The following NCAM2 variants were observed in gnomAD, a reference collection of about 807,000 sequenced individuals.
NCAM2 encodes neural cell adhesion molecule 2.
In NCAM2, 30 loss-of-function variants were observed where a neutral mutation model predicts 98.1. The ratio of observed to expected loss-of-function variants is 0.31; its 90% CI spans 0.23 to 0.41. NCAM2 has a LOEUF of 0.41. Among genes scored for constraint, NCAM2 ranks in the 10% least tolerant of loss-of-function variants. The pLI is 1.00. For synonymous variants in NCAM2, 368 were observed against 342.4 expected, an observed-to-expected ratio of 1.07 and a Z score of -0.83; for missense variants, 867 against 1,005.8, an observed-to-expected ratio of 0.86 and a Z score of 1.87.
intron 12 of NCAM2, among the ~76,000 whole-genome samples, chr21:21,434,838 G>A (rs956525094): frequency 2.6e-5 from 4 of 152,116 alleles, no homozygotes; most frequent in East Asian, 1.9e-4. Flanking sequence ...GAGCTTAATG[G>A]TGAAATGAAC....
At chr21:21,134,339 G>T (rs1226145489) in intron 1 of NCAM2, among the ~76,000 whole-genome samples, 2 of 151,974 alleles carry the variant, frequency 1.3e-5, no homozygotes, top group Admixed American at 6.6e-5. Context: ...CAAAGTGCTG[G>T]GTCTACAGGC....
At chr21:21,482,542 A>G (rs1985982407) in intron 15 of NCAM2, among the ~76,000 whole-genome samples, 1 of 152,024 alleles carries the variant, frequency 6.6e-6, no homozygotes, top group Non-Finnish European at 1.5e-5. Context: ...TTAAAAACCC[A>G]TTACTTATGT....
At chr21:21,313,171 C>T (rs1329578898) in intron 5 of NCAM2, among the ~76,000 whole-genome samples, 1 of 151,728 alleles carries the variant, frequency 6.6e-6, no homozygotes, top group Non-Finnish European at 1.5e-5. Flanking sequence ...TCCAAATAAA[C>T]TTCATTTAAA....
At chr21:21,186,053 CTG>C (rs1320055535) in intron 1 of NCAM2, among the ~76,000 whole-genome samples, 27 of 152,188 alleles carry the variant, frequency 1.8e-4, no homozygotes, top group Admixed American at 1.8e-3. Flanking sequence ...TATTTTCAGT[CTG>C]TGACAGTTCA....
At chr21:21,316,688 T>G (rs1049647549) in intron 5 of NCAM2, among the ~76,000 whole-genome samples, 4 of 151,598 alleles carry the variant, frequency 2.6e-5, no homozygotes, top group African/African-American at 9.7e-5. Flanking sequence ...GCATTACAGG[T>G]GCCTACCACC....
At chr21:21,517,170 A>G (rs1300091947) in intron 16 of NCAM2, among the ~76,000 whole-genome samples, 1 of 152,160 alleles carries the variant, frequency 6.6e-6, no homozygotes, top group Non-Finnish European at 1.5e-5. Flanking sequence ...CTTCAATTCC[A>G]CTTCAAATGC....
At chr21:21,253,173 C>T (rs1411914094) in intron 1 of NCAM2, among the ~76,000 whole-genome samples, 3 of 152,204 alleles carry the variant, frequency 2.0e-5, no homozygotes, top group Admixed American at 2.0e-4. Context: ...TGCTTATGCA[C>T]TTCTCTCACA....
At position 21,291,110 on chromosome 21, in the gene NCAM2, TA is replaced by T. The variant is rs367807966; in HGVS notation, c.482-993del. ...GGGTACCTTAAAATAATCACCTTTCTACCTGATCAAAAATCCCAAAGGGATA... is the reference window on the plus strand; with the variant it reads ...GGGTACCTTAAAATAATCACCTTTCTCCTGATCAAAAATCCCAAAGGGATA... On this transcript the variant is annotated intron_variant, in intron 4 of 17. Coordinates refer to ENST00000400546, the MANE Select transcript of NCAM2 (RefSeq NM_004540.5). Among the ~76,000 whole-genome samples, 444 of 152,014 alleles carry T rather than the reference TA, an allele frequency of 2.9e-3. 3 individuals carry two copies. The highest frequency in any genetic ancestry group is 0.01 in the African/African-American group (426 of 41,528).
chr21:21,300,553 A>G (rs2147639965), intron 5 of NCAM2, among the ~76,000 whole-genome samples: 1 of 150,078 alleles, frequency 6.7e-6, no homozygotes, highest in South Asian at 2.1e-4. Flanking sequence ...TTTACAATGT[A>G]CCTTTCACAC....
intron 1 of NCAM2, among the ~76,000 whole-genome samples, chr21:21,253,340 A>G (rs371152144): frequency 6.6e-6 from 1 of 152,280 alleles, no homozygotes; most frequent in African/African-American, 2.4e-5. Context: ...ACTACTTATT[A>G]TGGTCTGAAT....
intron 1 of NCAM2, among the ~76,000 whole-genome samples, chr21:21,246,798 A>G (rs1601754019): frequency 6.6e-6 from 1 of 152,158 alleles, no homozygotes; most frequent in East Asian, 1.9e-4. Flanking sequence ...TTTTCAGAAA[A>G]CTGTCAATTA....
chr21:21,062,487 A>G (rs967378856), intron 1 of NCAM2, among the ~76,000 whole-genome samples: 1 of 152,336 alleles, frequency 6.6e-6, no homozygotes, highest in African/African-American at 2.4e-5. Flanking sequence ...TTGGGCATCT[A>G]TTCAGAGCCA....
chr21:21,335,467 C>A (rs1214028524), intron 6 of NCAM2, 38 bp from the exon 7 acceptor site: 5 of 1,537,136 alleles, frequency 3.3e-6, no homozygotes, highest in Admixed American at 4.2e-5. Flanking sequence ...AATTATAAAG[C>A]CAGATCTGTG....
At position 21,508,847 on chromosome 21, in the gene NCAM2, T is replaced by A. The variant is rs1569128234; in HGVS notation, c.2078-4T>A. ...TTTTTTTTTTTTTTTTTTTACTTTT[T>A]AAGACACGCTGTTTAATGGTCTTGG... On this transcript the variant is annotated splice_polypyrimidine_tract_variant and splice_region_variant and intron_variant, in intron 15 of 17. Coordinates refer to ENST00000400546, the MANE Select transcript of NCAM2 (RefSeq NM_004540.5). The A allele has an allele frequency of 6.1e-6, 6 of 987,214 alleles. No homozygotes were observed. The highest frequency in any genetic ancestry group is 7.3e-6 in the Non-Finnish European group (5 of 683,400). The allele number at this position is 987,214 out of a possible 1,614,324, so 61.2% of individuals were successfully genotyped here.
At chr21:21,187,533 T>C (rs1569124955) in intron 1 of NCAM2, among the ~76,000 whole-genome samples, 1 of 151,986 alleles carries the variant, frequency 6.6e-6, no homozygotes, top group Non-Finnish European at 1.5e-5. Context: ...ATGTGTAGGC[T>C]CTGGGTCATG....
chr21:21,120,083 G>A (rs1477717374), intron 1 of NCAM2, among the ~76,000 whole-genome samples: 1 of 152,138 alleles, frequency 6.6e-6, no homozygotes, highest in African/African-American at 2.4e-5. Context: ...TTAATCTGCT[G>A]CTTATTTCGT....
chr21:21,124,353 A>G (rs568949923), intron 1 of NCAM2, among the ~76,000 whole-genome samples: 6 of 152,278 alleles, frequency 3.9e-5, no homozygotes, highest in Admixed American at 2.0e-4. Flanking sequence ...GTGTATTGCA[A>G]TGATCACACA....
chr21:21,142,640 A>G (rs2067195020), intron 1 of NCAM2, among the ~76,000 whole-genome samples: 1 of 152,056 alleles, frequency 6.6e-6, no homozygotes, highest in South Asian at 2.1e-4. Flanking sequence ...AGGCCTCCCA[A>G]AGTGCTGGGA....
At chr21:21,285,269 T>C (rs1184677374) in intron 3 of NCAM2, among the ~76,000 whole-genome samples, 2 of 151,850 alleles carry the variant, frequency 1.3e-5, no homozygotes, top group African/African-American at 4.8e-5. Context: ...AATCATCTCA[T>C]ATCTGTAGCT....
Sources: gnomAD v4.1 joint callset for allele counts (sites outside exome capture counted in the v4.1 genomes callset) on GRCh38, gnomAD v4.1.1 for gene constraint, MANE v1.5 for transcripts, NCBI Gene and HGNC (gene_info 2026-07-23, HGNC 2026-07-21) for gene names.